The following TOP2A variants were observed in gnomAD, a reference collection of about 807,000 sequenced individuals.
The protein encoded by TOP2A is DNA topoisomerase 2-alpha.
TOP2A carries 68 observed loss-of-function variants against 187.2 expected under a neutral mutation model. That is an observed-to-expected ratio of 0.36 (90% CI 0.30 to 0.44). The LOEUF (loss-of-function observed/expected upper bound fraction) is 0.44. TOP2A is among the 20% of genes least tolerant of loss of function. The pLI is 1.00. For synonymous variants in TOP2A, 542 were observed against 593.2 expected, an observed-to-expected ratio of 0.91 and a Z score of 1.25; for missense variants, 1,196 against 1,808.7, an observed-to-expected ratio of 0.66 and a Z score of 6.14.
rs150121056 is a variant in TOP2A at position 40,411,066 on chromosome 17, T to C, written c.1203+43A>G. 1,733 of 1,537,112 alleles carry C rather than the reference T, an allele frequency of 1.1e-3. 16 individuals carry two copies. The African/African-American group carries it at 0.022, about 19-fold the overall frequency. ...CAGAGCTAAGAAGTGCAATGGAAAA[T>C]AAAGTCAGGTGTTTCTATTTTTATT... On this transcript the variant is annotated intron_variant, in intron 10 of 34. Transcript: ENST00000423485. The surrounding 1 kb of genome is among the most constrained non-coding windows in gnomAD (Gnocchi z 4.4).
In TOP2A at chr17:40,411,043, G is replaced by A. The variant is rs542299255; in HGVS notation, c.1203+66C>T. On this transcript the variant is annotated intron_variant, in intron 10 of 34. Coordinates refer to ENST00000423485, the MANE Select transcript of TOP2A (RefSeq NM_001067.4). The surrounding 1 kb of genome is among the most constrained non-coding windows in gnomAD (Gnocchi z 4.4). ...TATGAGAAGAATCATTGTTTCTGCA[G>A]AGCTAAGAAGTGCAATGGAAAATAA... The A allele has an allele frequency of 1.4e-6, 2 of 1,438,134 alleles. No individual in the cohort carries two copies. Among genetic ancestry groups the A allele is most frequent in the African/African-American group, 1.4e-5 (1 of 69,936 alleles). 89.1% of individuals were successfully genotyped at this position (1,438,134 alleles called of 1,614,324 possible). A position where few individuals can be genotyped will look rare whatever the true frequency, so the allele number is the denominator to read the frequency against.
chr17:40,398,800 A>G lies in TOP2A; in HGVS notation c.3426T>C (p.Asp1142=), dbSNP rs1475059942. Residue 1142 remains aspartate (D), a synonymous_variant, in exon 26 of 35, where the codon GAT becomes GAC. Coordinates refer to ENST00000423485, the MANE Select transcript of TOP2A (RefSeq NM_001067.4). The part of the protein sequence containing the change: ...PLWYLTKEKK[D]ELCRLRNEKE... Reference sequence around the variant, plus strand: ...TTTCATTTCTTAGCCTGCAGAGTTCATCTTTCTTTTCCTTGGTTAAATACC... The same window carrying G: ...TTTCATTTCTTAGCCTGCAGAGTTCGTCTTTCTTTTCCTTGGTTAAATACC... 6.2e-7 allele frequency: 1 copy of G among 1,612,064 alleles called. No individual in the cohort carries two copies. The highest frequency in any genetic ancestry group is 1.1e-5 in the South Asian group (1 of 90,492).
rs1186719676 is a variant in TOP2A, at chr17:40,400,339, T to C, written c.2870A>G (p.Tyr957Cys). The C allele has an allele frequency of 1.9e-6, 3 of 1,613,748 alleles. No individual in the cohort carries two copies. The highest frequency in any genetic ancestry group is 4.5e-5 in the East Asian group (2 of 44,852). ...TEKTPPLITD[Y>C]REYHTDTTVK... ...AGTGGTATCTGTATGGTATTCCCTA[T>C]AGTCTGTTATGAGAGGAGGTGTCTT... The change falls in exon 23 of 35, where the codon TAT (tyrosine) becomes TGT (cysteine). Residue 957 changes from tyrosine (Y) to cysteine (C), a missense_variant. Tyr to Cys is a radical substitution (Grantham distance 194). Around this residue, in one of 10 missense-constraint regions of TOP2A, gnomAD observed 232 missense variants for 306.1 expected, o/e 0.76. Coordinates refer to ENST00000423485, the MANE Select transcript of TOP2A (RefSeq NM_001067.4).
rs375649801 is a variant in TOP2A at position 40,417,780 on chromosome 17, T to A, written c.12A>T (p.Ser4=). 1.3e-5 allele frequency: 21 copies of A among 1,613,266 alleles called. No individual in the cohort carries two copies. In the African/African-American group the frequency reaches 2.5e-4, roughly 19 times the overall value. The part of the protein sequence containing the change: MEV[S]PLQPVNENMQ... ...CCCCCGCGAGCCGTACCTGCAATGG[T>A]GACACTTCCATGGTGACGGTCGTGA... Residue 4 remains serine (S), a synonymous_variant, in exon 1 of 35, where the codon TCA becomes TCT. Coordinates refer to ENST00000423485, the MANE Select transcript of TOP2A (RefSeq NM_001067.4).
In TOP2A at chr17:40,400,007, C is replaced by A; in HGVS notation, c.3061G>T (p.Asp1021Tyr). 1.2e-6 allele frequency: 2 copies of A among 1,613,288 alleles called. No individual in the cohort carries two copies. The highest frequency in any genetic ancestry group is 2.7e-5 in the African/African-American group (2 of 75,024). The change falls in exon 24 of 35, where the codon GAC (aspartate) becomes TAC (tyrosine). Residue 1021 changes from aspartate to tyrosine, a missense_variant. Asp to Tyr is a radical substitution (Grantham distance 160). This residue lies in a region of TOP2A where 232 missense variants were observed against 306.1 expected (regional missense o/e 0.76). Coordinates refer to ENST00000423485, the MANE Select transcript of TOP2A (RefSeq NM_001067.4). ...TATTTAAGTCTGAGTTCAAAAAAGTCTCTTAGAATATCCAACACCGTGTCA... is the reference window on the plus strand; with the variant it reads ...TATTTAAGTCTGAGTTCAAAAAAGTATCTTAGAATATCCAACACCGTGTCA... ...KYDTVLDILR[D>Y]FFELRLKYYG...
chr17:40,417,017 T>C, intron 1 of TOP2A, 122 bp from the exon 2 acceptor site: 1 of 851,888 alleles, frequency 1.2e-6, no homozygotes, highest in Non-Finnish European at 1.8e-6. Flanking sequence ...TAGTAGGCAG[T>C]GGTGGAGTTG....
chr17:40,406,873 G>T lies in TOP2A; in HGVS notation c.1696C>A (p.Arg566=). 1.2e-6 allele frequency: 2 copies of T among 1,607,786 alleles called. No individual in the cohort carries two copies. The highest frequency in any genetic ancestry group is 1.7e-6 in the Non-Finnish European group (2 of 1,176,522). Reference sequence around the variant, plus strand: ...ATAAATTCCTCCAGAAAACGATGTCGCAGAAGAGAGGGCCAGTTGTGATGG... The same window carrying T: ...ATAAATTCCTCCAGAAAACGATGTCTCAGAAGAGAGGGCCAGTTGTGATGG... ...FIHHNWPSLL[R]HRFLEEFITP... is the part of the protein sequence containing the mutation. Residue 566 remains arginine (R), a synonymous_variant, in exon 14 of 35, where the codon CGA becomes AGA. Coordinates refer to ENST00000423485, the MANE Select transcript of TOP2A (RefSeq NM_001067.4).
intron 16 of TOP2A, 98 bp from the exon 17 acceptor site, chr17:40,404,981 A>T: frequency 1.4e-6 from 1 of 724,680 alleles, no homozygotes; most frequent in Non-Finnish European, 2.2e-6. Flanking sequence ...AAACAAAAAT[A>T]CTGTTTTCCT....
At chr17:40,398,447 C>A in intron 27 of TOP2A, 111 bp downstream of exon 27, 1 of 920,364 alleles carries the variant, frequency 1.1e-6, no homozygotes, top group African/African-American at 1.7e-5. Flanking sequence ...TATCCTTATG[C>A]CTCTTATTTT....
chr17:40,414,395 C>T (rs2035364551), intron 4 of TOP2A, among the ~76,000 whole-genome samples: 2 of 152,094 alleles, frequency 1.3e-5, no homozygotes, highest in Admixed American at 1.3e-4. Flanking sequence ...ATGAGGGTCT[C>T]ACTATATGGC....
chr17:40,398,884 CT>C lies in TOP2A; in HGVS notation c.3341del (p.Lys1114ArgfsTer5), dbSNP rs2143642784. The C allele has an allele frequency of 1.2e-6, 2 of 1,613,612 alleles. No individual in the cohort carries two copies. Among genetic ancestry groups the C allele is most frequent in the Non-Finnish European group, 8.5e-7 (1 of 1,179,764 alleles). ...GTCCAGAATCTGTTACGGAGTCACTCTTTTCAGTTTCCTTTTCGTTGTCACT... is the reference window on the plus strand; with the variant it reads ...GTCCAGAATCTGTTACGGAGTCACTCTTTCAGTTTCCTTTTCGTTGTCACT... ...EESDNEKETE[K>X]SDSVTDSGPT... On this transcript the variant is annotated frameshift_variant, in exon 26 of 35. Coordinates refer to ENST00000423485, the MANE Select transcript of TOP2A (RefSeq NM_001067.4). LOFTEE classifies it high-confidence loss of function.
chr17:40,414,865 A>AG (rs1015848653), intron 4 of TOP2A, among the ~76,000 whole-genome samples: 2 of 151,506 alleles, frequency 1.3e-5, no homozygotes, highest in African/African-American at 4.8e-5. Flanking sequence ...AAAAAAAAAA[A>AG]AAAAAAAAAG....
chr17:40,411,923 A>G lies in TOP2A; in HGVS notation c.790-105T>C. 1 of 940,772 alleles carries G rather than the reference A, an allele frequency of 1.1e-6. No homozygotes were observed. Among genetic ancestry groups the G allele is most frequent in the African/African-American group, 1.7e-5 (1 of 60,044 alleles). The allele number at this position is 940,772 out of a possible 1,614,324, so 58.3% of individuals were successfully genotyped here. A position where few individuals can be genotyped will look rare whatever the true frequency, so the allele number is the denominator to read the frequency against. On this transcript the variant is annotated intron_variant, in intron 7 of 34. Coordinates refer to ENST00000423485, the MANE Select transcript of TOP2A (RefSeq NM_001067.4). The surrounding 1 kb of genome is among the most constrained non-coding windows in gnomAD (Gnocchi z 4.4). ...AACCAATGCAATGATGTTCACTGAT[A>G]GGCATAAGGGAATGGTCATTAAAGG...
At position 40,411,675 on chromosome 17, in the gene TOP2A, A is replaced by G. The variant is rs752961746; in HGVS notation, c.933T>C (p.Ile311=). ...LTMSEKGFQQ[I]SFVNSIATSK... ...ATGTAGCAATGCTGTTGACAAAGCT[A>G]ATTTGCTGAAAGCCTTTTTCACTCA... Residue 311 remains isoleucine (I), a synonymous_variant, in exon 8 of 35, where the codon ATT becomes ATC. Transcript: ENST00000423485. The surrounding 1 kb of genome is among the most constrained non-coding windows in gnomAD (Gnocchi z 4.4). 2 of 1,610,594 alleles carry G rather than the reference A, an allele frequency of 1.2e-6. No individual in the cohort carries two copies. Among genetic ancestry groups the G allele is most frequent in the Non-Finnish European group, 1.7e-6 (2 of 1,178,946 alleles).
chr17:40,399,987 A>G lies in TOP2A; in HGVS notation c.3081T>C (p.Leu1027=). ...ATTCTTTTCTTAATCCATAATATTT[A>G]AGTCTGAGTTCAAAAAAGTCTCTTA... The part of the protein sequence containing the change: ...DILRDFFELR[L]KYYGLRKEWL... The change falls in exon 24 of 35, where the codon CTT becomes CTC. Residue 1027 remains leucine (L), a synonymous_variant. Transcript: ENST00000423485. 6.2e-7 allele frequency: 1 copy of G among 1,613,458 alleles called. No individual in the cohort carries two copies. Among genetic ancestry groups the G allele is most frequent in the Non-Finnish European group, 8.5e-7 (1 of 1,179,676 alleles).
intron 21 of TOP2A, 22 bp downstream of exon 21, chr17:40,400,828 T>G (rs2035170354): frequency 6.2e-7 from 1 of 1,611,088 alleles, no homozygotes; most frequent in Admixed American, 1.7e-5. Flanking sequence ...GTTAAGGCTC[T>G]TAACACACAC....
At chr17:40,412,535 T>C (rs769671578) in intron 7 of TOP2A, among the ~76,000 whole-genome samples, 42 of 152,058 alleles carry the variant, frequency 2.8e-4, no homozygotes, top group Non-Finnish European at 5.9e-4. Context: ...TCCCAGCTAC[T>C]TGGGAGGCTG....
intron 12 of TOP2A, 127 bp from the exon 13 acceptor site, chr17:40,407,801 A>G (rs2035267092): frequency 2.5e-6 from 3 of 1,179,508 alleles, no homozygotes; most frequent in Admixed American, 2.9e-5. Flanking sequence ...ATAATTTACT[A>G]CATCAGAAAG....
rs2034990017 is a variant in TOP2A, at chr17:40,388,932, GT to G, written c.*586del. The stretch of plus-strand genomic sequence containing the variant: ...GTCAAGTTATAGACACAGCCAAAGT[GT>G]TTTTCTTCGGCCTCTGATGATTTGA... On this transcript the variant is annotated 3_prime_UTR_variant, in exon 35 of 35. Transcript: ENST00000423485. The G allele has an allele frequency of 4.8e-6, 1 of 207,834 alleles. No homozygotes were observed. Among genetic ancestry groups the G allele is most frequent in the South Asian group, 1.9e-4 (1 of 5,336 alleles). The allele number at this position is 207,834 out of a possible 1,614,324, so 12.9% of individuals were successfully genotyped here.
Sources: allele counts gnomAD v4.1 joint callset (sites outside exome capture counted in the v4.1 genomes callset), GRCh38; gene constraint gnomAD v4.1.1; regional missense constraint gnomAD v4.1.1; non-coding constraint Gnocchi (gnomAD v3.1); transcripts MANE v1.5; gene names NCBI Gene and HGNC (gene_info 2026-07-23, HGNC 2026-07-21).